The following BMP5 variants were observed in gnomAD, a reference collection of about 807,000 sequenced individuals.
The protein encoded by BMP5 is bone morphogenetic protein 5.
BMP5 carries 23 observed loss-of-function variants against 46.6 expected under a neutral mutation model. That is an observed-to-expected ratio of 0.49 (90% CI 0.35 to 0.70). BMP5 has a LOEUF of 0.70. Ranked by LOEUF, BMP5 falls within the 30% of genes least tolerant of loss-of-function variation. The pLI is 0.00. For synonymous variants in BMP5, 204 were observed against 191.9 expected, an observed-to-expected ratio of 1.06 and a Z score of -0.52; for missense variants, 545 against 565.6, an observed-to-expected ratio of 0.96 and a Z score of 0.37.
intron 1 of BMP5, among the ~76,000 whole-genome samples, chr6:55,848,103 G>A (rs1777143245): frequency 6.6e-6 from 1 of 151,880 alleles, no homozygotes; most frequent in Non-Finnish European, 1.5e-5. Context: ...CCCTGTGTGA[G>A]GTCAAAAGTT....
chr6:55,754,860 TGA>T lies in BMP5; in HGVS notation c.*671_*672del, dbSNP rs1213876259. On this transcript the variant is annotated 3_prime_UTR_variant, in exon 7 of 7. Coordinates refer to ENST00000370830, the MANE Select transcript of BMP5 (RefSeq NM_021073.4). ...GGCTCAAGCCTGTCTCCTGAAGCTT[TGA>T]GCTCTTTGCAAAATCTACAATCCAC... is the stretch of plus-strand genomic sequence containing the variant. 1 of 152,060 alleles carries T rather than the reference TGA, an allele frequency of 6.6e-6. No individual in the cohort carries two copies. Among genetic ancestry groups the T allele is most frequent in the East Asian group, 1.9e-4 (1 of 5,164 alleles). The allele number at this position is 152,060 out of a possible 1,614,324, so 9.4% of individuals were successfully genotyped here.
chr6:55,832,587 T>C (rs1776691563), intron 1 of BMP5, among the ~76,000 whole-genome samples: 1 of 152,202 alleles, frequency 6.6e-6, no homozygotes, highest in Non-Finnish European at 1.5e-5. Context: ...ATATATTTGA[T>C]AAAACATGAC....
rs1554181054 is a variant in BMP5, at chr6:55,780,494, G to GAAAA, written c.833-6252_833-6251insTTTT. ...AAAAAGAAAGAAAGAAAGAAAGAAAGAAAGAAACGTGGTTACAACTCCTGG... is the reference window on the plus strand; with the variant it reads ...AAAAAGAAAGAAAGAAAGAAAGAAAGAAAAAAAGAAACGTGGTTACAACTCCTGG... On this transcript the variant is annotated intron_variant, in intron 3 of 6. Transcript: ENST00000370830. Among the ~76,000 whole-genome samples the GAAAA allele has an allele frequency of 3.0e-3, 404 of 135,590 alleles. 3 individuals carry two copies. The highest frequency in any genetic ancestry group is 4.6e-3 in the Non-Finnish European group (290 of 62,694). 89.0% of individuals were successfully genotyped at this position (135,590 alleles called of 152,430 possible). A position where few individuals can be genotyped will look rare whatever the true frequency, so the allele number is the denominator to read the frequency against.
At chr6:55,759,194 A>AAAAAAAAAAC (rs1554174497) in intron 5 of BMP5, 79 bp from the exon 6 acceptor site, 11 of 797,420 alleles carry the variant, frequency 1.4e-5, no homozygotes, top group African/African-American at 1.8e-5. Flanking sequence ...CAACAAGAAA[A>AAAAAAAAAAC]AATATCACCA....
At chr6:55,763,750 T>C (rs1191326246) in intron 4 of BMP5, among the ~76,000 whole-genome samples, 2 of 152,190 alleles carry the variant, frequency 1.3e-5, no homozygotes, top group African/African-American at 4.8e-5. Context: ...GCAAGTGTTA[T>C]CAATAATATT....
chr6:55,773,009 AT>A, intron 4 of BMP5: 1 of 741,942 alleles, frequency 1.3e-6, no homozygotes, highest in Non-Finnish European at 1.6e-6. Context: ...ATGACCTGTC[AT>A]TTTCAAGTAA....
chr6:55,755,759 T>TGAG, intron 6 of BMP5, 77 bp from the exon 7 acceptor site: 1 of 1,383,280 alleles, frequency 7.2e-7, no homozygotes, highest in Non-Finnish European at 1.0e-6. Flanking sequence ...GGTATGATTA[T>TGAG]TTTATCACTC....
chr6:55,845,450 C>T (rs1447134), intron 1 of BMP5, among the ~76,000 whole-genome samples: 150,253 of 152,022 alleles, frequency 0.99, 74,253 homozygotes, highest in Middle Eastern at 1. Context: ...AACCACAAGG[C>T]GACGGGATTT....
intron 4 of BMP5, 109 bp from the exon 5 acceptor site, chr6:55,760,642 G>A: frequency 1.1e-6 from 1 of 933,040 alleles, no homozygotes. Context: ...TTGAAGTTGT[G>A]GAAAAATGAG....
intron 1 of BMP5, among the ~76,000 whole-genome samples, chr6:55,845,797 G>GA (rs956581029): frequency 6.6e-6 from 1 of 151,838 alleles, no homozygotes; most frequent in Non-Finnish European, 1.5e-5. Flanking sequence ...CAGTCTTCTT[G>GA]AAAAAACATA....
intron 5 of BMP5, among the ~76,000 whole-genome samples, chr6:55,759,345 T>C (rs1038301133): frequency 6.6e-6 from 1 of 151,630 alleles, no homozygotes; most frequent in African/African-American, 2.4e-5. Flanking sequence ...AGGACAAAAG[T>C]ATAAATATTT....
chr6:55,817,183 A>T (rs1233152800), intron 2 of BMP5, among the ~76,000 whole-genome samples: 2 of 152,160 alleles, frequency 1.3e-5, no homozygotes, highest in African/African-American at 4.8e-5. Context: ...ATTGTGGAAG[A>T]TACTGTGGCG....
chr6:55,841,730 G>A (rs923422647), intron 1 of BMP5, among the ~76,000 whole-genome samples: 1 of 152,072 alleles, frequency 6.6e-6, no homozygotes, highest in Non-Finnish European at 1.5e-5. Flanking sequence ...GCATCCAAAT[G>A]TCCTCTTTTT....
Position 55,754,036 on chromosome 6 carries a change from C to T in BMP5, c.*1497G>A, listed in dbSNP as rs1191774412. The T allele has an allele frequency of 1.3e-5, 2 of 151,864 alleles. No homozygotes were observed. Among genetic ancestry groups the T allele is most frequent in the African/African-American group, 2.4e-5 (1 of 41,404 alleles). The allele number at this position is 151,864 out of a possible 1,614,324, so 9.4% of individuals were successfully genotyped here. A position where few individuals can be genotyped will look rare whatever the true frequency, so the allele number is the denominator to read the frequency against. ...TAAGATAAACTGTATTTCAAAACAA[C>T]ATTTTAATATACCCGAATTACAAAC... On this transcript the variant is annotated 3_prime_UTR_variant, in exon 7 of 7. Transcript: ENST00000370830.
At chr6:55,802,734 T>C (rs929568814) in intron 2 of BMP5, among the ~76,000 whole-genome samples, 3 of 151,952 alleles carry the variant, frequency 2.0e-5, no homozygotes, top group African/African-American at 7.3e-5. Context: ...TATATATGTA[T>C]TTTTGCCATT....
intron 2 of BMP5, among the ~76,000 whole-genome samples, chr6:55,818,229 A>G (rs565021758): frequency 5.9e-5 from 9 of 151,788 alleles, no homozygotes; most frequent in Non-Finnish European, 1.0e-4. Context: ...AACCAGAGAT[A>G]GAGCAGCATT....
intron 1 of BMP5, among the ~76,000 whole-genome samples, chr6:55,847,219 C>T (rs1279972097): frequency 1.3e-5 from 2 of 151,852 alleles, no homozygotes; most frequent in African/African-American, 4.8e-5. Context: ...CATTAAAGCC[C>T]CTGTGGTCAT....
intron 1 of BMP5, among the ~76,000 whole-genome samples, chr6:55,848,357 C>T (rs1055763643): frequency 2.6e-5 from 4 of 151,958 alleles, no homozygotes; most frequent in Admixed American, 1.3e-4. Context: ...ACACTTGATT[C>T]CCTATCTTTT....
intron 1 of BMP5, among the ~76,000 whole-genome samples, chr6:55,850,337 G>C (rs527781401): frequency 6.3e-4 from 93 of 148,102 alleles, no homozygotes; most frequent in Non-Finnish European, 1.0e-3. Context: ...TTTATAGATA[G>C]GTAGTTAGGT....
Sources: gnomAD v4.1 joint callset for allele counts (sites outside exome capture counted in the v4.1 genomes callset) on GRCh38, gnomAD v4.1.1 for gene constraint, MANE v1.5 for transcripts, NCBI Gene and HGNC (gene_info 2026-07-23, HGNC 2026-07-21) for gene names.